The following ACTC1 variants were observed in gnomAD, a reference collection of about 807,000 sequenced individuals.
The protein encoded by ACTC1 is actin alpha cardiac muscle 1.
In ACTC1, 10 loss-of-function variants were observed where a neutral mutation model predicts 31.6. That is an observed-to-expected ratio of 0.32 (90% CI 0.19 to 0.54). ACTC1 has a LOEUF of 0.54. Ranked by LOEUF, ACTC1 falls within the 20% of genes least tolerant of loss-of-function variation. The probability of loss-of-function intolerance (pLI) is 0.95; values close to 1 mark genes in which losing one functional copy is unlikely to be tolerated. For synonymous variants in ACTC1, 196 were observed against 185.0 expected, an observed-to-expected ratio of 1.06 and a Z score of -0.48; for missense variants, 129 against 506.4, an observed-to-expected ratio of 0.25 and a Z score of 7.15.
intron 6 of ACTC1, 143 bp from the exon 7 acceptor site, chr15:34,790,698 G>A (rs1891686067): frequency 1.2e-6 from 1 of 855,910 alleles, no homozygotes; most frequent in Admixed American, 2.1e-5. Flanking sequence ...GAAATAATGT[G>A]GCCAATCAAG....
rs1475304248 is a variant in ACTC1 at position 34,793,603 on chromosome 15, C to T, written c.130-34G>A. On this transcript the variant is annotated intron_variant, in intron 2 of 6. Transcript: ENST00000290378. This position sits in a 1 kb window ranked among gnomAD's most constrained non-coding sequence, Gnocchi z 4.8. ...AGAAAAAATGAGAAAATCATGCTCTCACCATGTCAGGAATATAATCAGTGT... is the reference window on the plus strand; with the variant it reads ...AGAAAAAATGAGAAAATCATGCTCTTACCATGTCAGGAATATAATCAGTGT... 8 of 1,588,978 alleles carry T rather than the reference C, an allele frequency of 5.0e-6. No homozygotes were observed. The highest frequency in any genetic ancestry group is 6.9e-6 in the Non-Finnish European group (8 of 1,158,428).
At position 34,792,297 on chromosome 15, in the gene ACTC1, G is replaced by T. The variant is rs551182742; in HGVS notation, c.617-16C>A. The T allele has an allele frequency of 6.2e-7, 1 of 1,614,196 alleles. No individual in the cohort carries two copies. The highest frequency in any genetic ancestry group is 1.3e-5 in the African/African-American group (1 of 75,044). ...TCACGTTCAGCTACAGAAATAAAGAGTATCACAGTCATGCTCTGAAGCAAG... is the reference window on the plus strand; with the variant it reads ...TCACGTTCAGCTACAGAAATAAAGATTATCACAGTCATGCTCTGAAGCAAG... On this transcript the variant is annotated splice_polypyrimidine_tract_variant and intron_variant, in intron 4 of 6. Coordinates refer to ENST00000290378, the MANE Select transcript of ACTC1 (RefSeq NM_005159.5). The surrounding 1 kb of genome is among the most constrained non-coding windows in gnomAD (Gnocchi z 5.3).
At position 34,792,508 on chromosome 15, in the gene ACTC1, A is replaced by G. The variant is rs397517064; in HGVS notation, c.516T>C (p.Ala172=). The G allele has an allele frequency of 1.2e-6, 2 of 1,614,168 alleles. No individual in the cohort carries two copies. Among genetic ancestry groups the G allele is most frequent in the Non-Finnish European group, 8.5e-7 (1 of 1,180,020 alleles). Residue 172 remains alanine, a synonymous_variant, in exon 4 of 7, where the codon GCT becomes GCC. Coordinates refer to ENST00000290378, the MANE Select transcript of ACTC1 (RefSeq NM_005159.5). This position sits in a 1 kb window ranked among gnomAD's most constrained non-coding sequence, Gnocchi z 5.3. The part of the protein sequence containing the change: ...THNVPIYEGY[A]LPHAIMRLDL... ...CCAGACGCATGATGGCATGGGGCAA[A>G]GCGTAGCCCTCATAGATGGGGACAT...
At position 34,790,281 on chromosome 15, in the gene ACTC1, C is replaced by G; in HGVS notation, c.*131G>C. On this transcript the variant is annotated 3_prime_UTR_variant, in exon 7 of 7. Coordinates refer to ENST00000290378, the MANE Select transcript of ACTC1 (RefSeq NM_005159.5). ...TTTATAAAGCAATAAATATTAGAAG[C>G]ACAAACAAATTGCACGTGTGTAAAC... is the stretch of plus-strand genomic sequence containing the variant. 8.3e-7 allele frequency: 1 copy of G among 1,202,076 alleles called. No homozygotes were observed. The highest frequency in any genetic ancestry group is 1.2e-5 in the South Asian group (1 of 81,152). 74.5% of individuals were successfully genotyped at this position (1,202,076 alleles called of 1,614,324 possible).
In ACTC1 at chr15:34,792,576, G is replaced by A. The variant is rs768363857; in HGVS notation, c.455-7C>T. On this transcript the variant is annotated splice_polypyrimidine_tract_variant and splice_region_variant and intron_variant, in intron 3 of 6. Transcript: ENST00000290378. The surrounding 1 kb of genome is among the most constrained non-coding windows in gnomAD (Gnocchi z 5.3). ...CCAGAGTCCAGAACAATGCCTGCCC[G>A]GGGAAGTAGACAAGAACAAGGTAAA... 55 of 1,613,986 alleles carry A rather than the reference G, an allele frequency of 3.4e-5. No individual in the cohort carries two copies. The highest frequency in any genetic ancestry group is 2.5e-4 in the Admixed American group (15 of 60,004).
Position 34,792,596 on chromosome 15 carries a change from G to A in ACTC1, c.455-27C>T. The A allele has an allele frequency of 6.2e-7, 1 of 1,613,976 alleles. No homozygotes were observed. Among genetic ancestry groups the A allele is most frequent in the South Asian group, 1.1e-5 (1 of 91,076 alleles). On this transcript the variant is annotated intron_variant, in intron 3 of 6. Transcript: ENST00000290378. This position sits in a 1 kb window ranked among gnomAD's most constrained non-coding sequence, Gnocchi z 5.3. Reference sequence around the variant, plus strand: ...TGCCCGGGGAAGTAGACAAGAACAAGGTAAATTCCTGAGGACAACACCACT... The same window carrying A: ...TGCCCGGGGAAGTAGACAAGAACAAAGTAAATTCCTGAGGACAACACCACT...
intron 1 of ACTC1, 100 bp from the exon 2 acceptor site, chr15:34,794,930 GACT>G: frequency 1.1e-6 from 1 of 879,164 alleles, no homozygotes; most frequent in Non-Finnish European, 1.6e-6. Context: ...GGGTTGTGGG[GACT>G]GGACAGGGGG....
chr15:34,794,646 C>T, intron 2 of ACTC1, 34 bp downstream of exon 2: 1 of 1,604,024 alleles, frequency 6.2e-7, no homozygotes, highest in Non-Finnish European at 8.5e-7. Context: ...TGAAGGGGTC[C>T]CGAGTGGGAC....
chr15:34,794,013 A>G (rs1220974504), intron 2 of ACTC1, among the ~76,000 whole-genome samples: 1 of 152,120 alleles, frequency 6.6e-6, no homozygotes, highest in African/African-American at 2.4e-5. Context: ...TGCCATCCTC[A>G]CTCCAACAGT....
In ACTC1 at chr15:34,792,807, T is replaced by C. The variant is rs1053820883; in HGVS notation, c.455-238A>G. The C allele has an allele frequency of 3.6e-6, 2 of 562,938 alleles. No individual in the cohort carries two copies. The highest frequency in any genetic ancestry group is 1.9e-5 in the African/African-American group (1 of 53,128). The allele number at this position is 562,938 out of a possible 1,614,324, so 34.9% of individuals were successfully genotyped here. On this transcript the variant is annotated intron_variant, in intron 3 of 6. Transcript: ENST00000290378. This position sits in a 1 kb window ranked among gnomAD's most constrained non-coding sequence, Gnocchi z 5.3. ...GTAGAAAAAATTCCCGAGGACACTT[T>C]CAAATGACCATCTTTCTTGTCAGCC...
At chr15:34,794,971 C>A (rs920523902) in intron 1 of ACTC1, 141 bp from the exon 2 acceptor site, 26 of 859,206 alleles carry the variant, frequency 3.0e-5, no homozygotes, top group Non-Finnish European at 1.4e-5. Flanking sequence ...CTGCCACCTC[C>A]CTTCCCCTCG....
chr15:34,792,275 C>T lies in ACTC1; in HGVS notation c.623G>A (p.Arg208His), dbSNP rs142839840. 6.8e-6 allele frequency: 11 copies of T among 1,614,186 alleles called. No homozygotes were observed. In the Admixed American group the frequency reaches 8.3e-5, roughly 12 times the overall value. The change falls in exon 5 of 7, where the codon CGT becomes CAT. Residue 208 changes from arginine to histidine, a missense_variant. This residue lies in a region of ACTC1 where 37 missense variants were observed against 228.6 expected (regional missense o/e 0.16). Coordinates refer to ENST00000290378, the MANE Select transcript of ACTC1 (RefSeq NM_005159.5). The surrounding 1 kb of genome is among the most constrained non-coding windows in gnomAD (Gnocchi z 5.3). ...CTCTTTAATGTCACGGACAATTTCA[C>T]GTTCAGCTACAGAAATAAAGAGTAT... ...RGYSFVTTAE[R>H]EIVRDIKEKL...
chr15:34,793,095 A>C lies in ACTC1; in HGVS notation c.454+150T>G. The C allele has an allele frequency of 3.9e-6, 3 of 770,316 alleles. No homozygotes were observed. The East Asian group carries it at 8.0e-5, about 21-fold the overall frequency. The allele number at this position is 770,316 out of a possible 1,614,324, so 47.7% of individuals were successfully genotyped here. On this transcript the variant is annotated intron_variant, in intron 3 of 6. Coordinates refer to ENST00000290378, the MANE Select transcript of ACTC1 (RefSeq NM_005159.5). This position sits in a 1 kb window ranked among gnomAD's most constrained non-coding sequence, Gnocchi z 4.8. ...TGTGCTCCGAAACTAACCTCAGGGC[A>C]CTACTGTTAACTCTTTCTCTTAGCA...
chr15:34,793,294 G>A lies in ACTC1; in HGVS notation c.405C>T (p.Tyr135=), dbSNP rs181479041. ...GGGATAGCACTGCCTGGATGGCCAC[G>A]TACATGGCAGGGACATTGAAGGTCT... ...MFETFNVPAM[Y]VAIQAVLSLY... Residue 135 remains tyrosine, a synonymous_variant, in exon 3 of 7, where the codon TAC becomes TAT. Coordinates refer to ENST00000290378, the MANE Select transcript of ACTC1 (RefSeq NM_005159.5). The surrounding 1 kb of genome is among the most constrained non-coding windows in gnomAD (Gnocchi z 4.8). 25 of 1,614,164 alleles carry A rather than the reference G, an allele frequency of 1.5e-5. No individual in the cohort carries two copies. Among genetic ancestry groups the A allele is most frequent in the African/African-American group, 5.3e-5 (4 of 75,042 alleles).
intron 5 of ACTC1, 185 bp downstream of exon 5, chr15:34,791,905 T>A: frequency 1.6e-6 from 1 of 620,252 alleles, no homozygotes. Flanking sequence ...TCCTTTATTA[T>A]ATCACTAGAG....
intron 1 of ACTC1, among the ~76,000 whole-genome samples, 192 bp downstream of exon 1, chr15:34,795,314 C>T (rs1197237060): frequency 7.7e-6 from 1 of 130,450 alleles, no homozygotes; most frequent in Non-Finnish European, 1.6e-5. Context: ...ACGCCCAGGA[C>T]AAAACAAGTT....
Position 34,794,722 on chromosome 15 carries a change from G to C in ACTC1, c.87C>G (p.Pro29=). Residue 29 remains proline, a synonymous_variant, in exon 2 of 7, where the codon CCC becomes CCG. Coordinates refer to ENST00000290378, the MANE Select transcript of ACTC1 (RefSeq NM_005159.5). ...VKAGFAGDDA[P]RAVFPSIVGR... ...CCACGATGGACGGGAAGACAGCGCG[G>C]GGCGCGTCATCGCCCGCAAAGCCGG... 1 of 1,613,270 alleles carries C rather than the reference G, an allele frequency of 6.2e-7. No individual in the cohort carries two copies. The highest frequency in any genetic ancestry group is 8.5e-7 in the Non-Finnish European group (1 of 1,179,804).
chr15:34,791,689 A>G, intron 5 of ACTC1: 1 of 336,330 alleles, frequency 3.0e-6, no homozygotes, highest in South Asian at 3.7e-5. Context: ...TAGGAAGGAT[A>G]TTTGTTGACA....
In ACTC1 at chr15:34,793,293, C is replaced by T; in HGVS notation, c.406G>A (p.Val136Met). 6.2e-7 allele frequency: 1 copy of T among 1,614,130 alleles called. No individual in the cohort carries two copies. Among genetic ancestry groups the T allele is most frequent in the Non-Finnish European group, 8.5e-7 (1 of 1,180,014 alleles). ...AGGGATAGCACTGCCTGGATGGCCACGTACATGGCAGGGACATTGAAGGTC... is the reference window on the plus strand; with the variant it reads ...AGGGATAGCACTGCCTGGATGGCCATGTACATGGCAGGGACATTGAAGGTC... ...FETFNVPAMY[V>M]AIQAVLSLYA... Residue 136 changes from valine to methionine, a missense_variant, in exon 3 of 7, where the codon GTG becomes ATG. Val to Met is a conservative substitution (Grantham distance 21). This residue lies in a region of ACTC1 where 37 missense variants were observed against 228.6 expected (regional missense o/e 0.16). Coordinates refer to ENST00000290378, the MANE Select transcript of ACTC1 (RefSeq NM_005159.5). This position sits in a 1 kb window ranked among gnomAD's most constrained non-coding sequence, Gnocchi z 4.8.
Sources: allele counts gnomAD v4.1 joint callset (sites outside exome capture counted in the v4.1 genomes callset), GRCh38; gene constraint gnomAD v4.1.1; regional missense constraint gnomAD v4.1.1; non-coding constraint Gnocchi (gnomAD v3.1); transcripts MANE v1.5; gene names NCBI Gene and HGNC (gene_info 2026-07-23, HGNC 2026-07-21).